ADGRL1: variants seen among roughly 807,000 people sequenced by gnomAD.
ADGRL1 encodes adhesion G protein-coupled receptor L1, also known as CIRL-1.
A neutral mutation model predicts 148.9 loss-of-function variants in ADGRL1; 31 were observed. That is an observed-to-expected ratio of 0.21 (90% confidence interval 0.16 to 0.28). The LOEUF (loss-of-function observed/expected upper bound fraction) is 0.28, where lower values mean the gene tolerates loss of function less well. Ranked by LOEUF, ADGRL1 falls within the 10% of genes least tolerant of loss-of-function variation. The pLI is 1.00. For synonymous variants in ADGRL1, 937 were observed against 900.3 expected (o/e 1.04, Z -0.73); for missense variants, 1,521 against 2,058.8 (o/e 0.74, Z 5.05).
chr19:14,163,546 T>G, intron 4 of ADGRL1, 140 bp from the exon 5 acceptor site: 1 of 665,870 alleles, frequency 1.5e-6, no homozygotes. Context: ...AGCCAGGTTG[T>G]CCCCTCCTGC....
At chr19:14,158,243 G>T in intron 12 of ADGRL1, 95 bp downstream of exon 12, 1 of 1,362,604 alleles carries the variant, frequency 7.3e-7, no homozygotes, top group Non-Finnish European at 1.0e-6. Flanking sequence ...CCCATAACTT[G>T]TTCTGGAGGT....
chr19:14,205,885 G>A (rs1972975660), intron 1 of ADGRL1, 100 bp downstream of exon 1: 1 of 151,036 alleles, frequency 6.6e-6, no homozygotes, highest in African/African-American at 2.4e-5. Flanking sequence ...GCCAGGACAG[G>A]CCCCGGCCTC....
Position 14,156,655 on chromosome 19 carries a change from C to T in ADGRL1, c.3033+3G>A. On this transcript the variant is annotated splice_donor_region_variant and intron_variant, in intron 16 of 22. Coordinates refer to ENST00000361434, the MANE Select transcript of ADGRL1 (RefSeq NM_014921.5). ...GTGCTAGGGGTGTCACCTCCCAACT[C>T]ACCACGATAACGAAGGAGACTGGCC... The T allele has an allele frequency of 6.2e-7, 1 of 1,610,524 alleles. No homozygotes were observed. Among genetic ancestry groups the T allele is most frequent in the South Asian group, 1.1e-5 (1 of 90,526 alleles).
In ADGRL1 at chr19:14,158,569, C is replaced by T. The variant is rs756844613; in HGVS notation, c.2150-17G>A. The T allele has an allele frequency of 7.5e-6, 12 of 1,599,696 alleles. No homozygotes were observed. The highest frequency in any genetic ancestry group is 1.7e-4 in the Middle Eastern group (1 of 6,032). The stretch of plus-strand genomic sequence containing the variant: ...TGACCACCCCTGGTGAGAACAGGCA[C>T]GTTTGGATGTGTCAGCATCCTCAGC... On this transcript the variant is annotated splice_polypyrimidine_tract_variant and intron_variant, in intron 11 of 22. Coordinates refer to ENST00000361434, the MANE Select transcript of ADGRL1 (RefSeq NM_014921.5).
chr19:14,166,957 T>C, intron 4 of ADGRL1: 2 of 1,574,876 alleles, frequency 1.3e-6, no homozygotes, highest in Non-Finnish European at 1.7e-6. Flanking sequence ...GTCACATAAG[T>C]ATGGTACAGG....
intron 4 of ADGRL1, 74 bp from the exon 5 acceptor site, chr19:14,163,480 G>GAC: frequency 9.2e-7 from 1 of 1,084,846 alleles, no homozygotes; most frequent in Non-Finnish European, 1.3e-6. Flanking sequence ...GAGAGAGAGA[G>GAC]AGAGAGAGAG....
chr19:14,184,634 A>ATTTTTTTTTTT (rs1166987303), intron 1 of ADGRL1, among the ~76,000 whole-genome samples: 1 of 119,052 alleles, frequency 8.4e-6, no homozygotes, highest in African/African-American at 4.1e-5. Flanking sequence ...TTATTTATTT[A>ATTTTTTTTTTT]TTTATTTATT....
intron 4 of ADGRL1, among the ~76,000 whole-genome samples, chr19:14,168,472 G>T (rs558844646): frequency 6.6e-6 from 1 of 152,000 alleles, no homozygotes; most frequent in African/African-American, 2.4e-5. Flanking sequence ...TCTCCCCAAG[G>T]GCTCAGGCTA....
intron 2 of ADGRL1, among the ~76,000 whole-genome samples, chr19:14,180,430 A>T (rs1230713371): frequency 6.7e-6 from 1 of 150,330 alleles, no homozygotes; most frequent in Non-Finnish European, 1.5e-5. Context: ...TAATTTTTGT[A>T]TTTTTAGTAG....
intron 1 of ADGRL1, among the ~76,000 whole-genome samples, chr19:14,197,958 G>A (rs1194506713): frequency 1.3e-5 from 2 of 152,180 alleles, no homozygotes; most frequent in Non-Finnish European, 2.9e-5. Flanking sequence ...TATACATGTA[G>A]GTGCAACTGT....
intron 1 of ADGRL1, among the ~76,000 whole-genome samples, chr19:14,191,870 A>G (rs1456880177): frequency 6.6e-6 from 1 of 150,862 alleles, no homozygotes; most frequent in Non-Finnish European, 1.5e-5. Flanking sequence ...TACTTTTTCG[A>G]TTTTTTTTGT....
chr19:14,169,268 A>G (rs961512248), intron 4 of ADGRL1: 1 of 152,226 alleles, frequency 6.6e-6, no homozygotes. Context: ...CGCTTCTCAC[A>G]TGTCATCTCA....
At chr19:14,202,783 A>G (rs552168792) in intron 1 of ADGRL1, among the ~76,000 whole-genome samples, 1 of 151,784 alleles carries the variant, frequency 6.6e-6, no homozygotes, top group East Asian at 1.9e-4. Context: ...ACAGACAGCT[A>G]CTCCTTCTTG....
intron 1 of ADGRL1, among the ~76,000 whole-genome samples, chr19:14,184,475 C>G (rs1026437340): frequency 2.6e-5 from 4 of 151,514 alleles, no homozygotes; most frequent in African/African-American, 9.7e-5. Context: ...CTCTGTTGCC[C>G]AGGCTGGAGT....
At chr19:14,177,274 T>C (rs917498521) in intron 3 of ADGRL1, among the ~76,000 whole-genome samples, 2 of 152,094 alleles carry the variant, frequency 1.3e-5, no homozygotes, top group African/African-American at 4.8e-5. Context: ...ATGGAAGTTA[T>C]GGAAGCAAGA....
Position 14,160,938 on chromosome 19 carries a change from A to G in ADGRL1, c.1511-242T>C, listed in dbSNP as rs958417405. On this transcript the variant is annotated intron_variant, in intron 6 of 22. Coordinates refer to ENST00000361434, the MANE Select transcript of ADGRL1 (RefSeq NM_014921.5). This position sits in a 1 kb window ranked among gnomAD's most constrained non-coding sequence, Gnocchi z 5.9. ...GCCTCCAGAGTTAGAACCTTCCAGC[A>G]AGGCCCATCTTGAACGCCCCCTCTC... 3.3e-5 allele frequency among the ~76,000 whole-genome samples: 5 copies of G among 152,086 alleles called. No homozygotes were observed. Among genetic ancestry groups the G allele is most frequent in the African/African-American group, 1.2e-4 (5 of 41,422 alleles).
At position 14,181,592 on chromosome 19, in the gene ADGRL1, C is replaced by A. The variant is rs191175475; in HGVS notation, c.70+1941G>T. On this transcript the variant is annotated intron_variant, in intron 2 of 22. Coordinates refer to ENST00000361434, the MANE Select transcript of ADGRL1 (RefSeq NM_014921.5). ...AAAATTAGCCGGGCATGGTGGCAGG[C>A]GGCTGTAATCCCAGCTACTCGGGAG... Among the ~76,000 whole-genome samples, 7 of 152,152 alleles carry A rather than the reference C, an allele frequency of 4.6e-5. 1 individual carries two copies. In the South Asian group the frequency reaches 1.2e-3, roughly 27 times the overall value.
In ADGRL1 at chr19:14,159,987, C is replaced by T. The variant is rs1969179791; in HGVS notation, c.1800+125G>A. ...CAGTCCTTGGCGGAGAGGGGGGGGT[C>T]CTTCCTCTCTGAGGAAAGGAGTGGA... On this transcript the variant is annotated intron_variant, in intron 8 of 22. Coordinates refer to ENST00000361434, the MANE Select transcript of ADGRL1 (RefSeq NM_014921.5). This position sits in a 1 kb window ranked among gnomAD's most constrained non-coding sequence, Gnocchi z 6.0. 9 of 1,119,726 alleles carry T rather than the reference C, an allele frequency of 8.0e-6. No homozygotes were observed. Among genetic ancestry groups the T allele is most frequent in the Non-Finnish European group, 1.1e-5 (9 of 795,428 alleles). 69.4% of individuals were successfully genotyped at this position (1,119,726 alleles called of 1,614,324 possible).
intron 18 of ADGRL1, 95 bp from the exon 19 acceptor site, chr19:14,153,007 G>T: frequency 1.4e-6 from 2 of 1,460,710 alleles, no homozygotes; most frequent in Admixed American, 1.9e-5. Context: ...AGCCTTGGGA[G>T]GCCGGAGACC....
Sources: allele counts gnomAD v4.1 joint callset (sites outside exome capture counted in the v4.1 genomes callset), GRCh38; gene constraint gnomAD v4.1.1; non-coding constraint Gnocchi (gnomAD v3.1); transcripts MANE v1.5; gene names NCBI Gene and HGNC (gene_info 2026-07-23, HGNC 2026-07-21).